The following KLHL3 variants were observed in gnomAD, a reference collection of about 807,000 sequenced individuals.
KLHL3 encodes the protein kelch-like protein 3.
A neutral mutation model predicts 70.5 loss-of-function variants in KLHL3; 19 were observed. The observed-to-expected ratio is 0.27, with a 90% CI of 0.19 to 0.40. KLHL3 has a LOEUF of 0.40. Among genes scored for constraint, KLHL3 ranks in the 10% least tolerant of loss-of-function variants. The pLI is 1.00. For synonymous variants in KLHL3, 258 were observed against 290.3 expected, an observed-to-expected ratio of 0.89 and a Z score of 1.13; for missense variants, 512 against 771.1, an observed-to-expected ratio of 0.66 and a Z score of 3.98.
In KLHL3 at chr5:137,720,584, A is replaced by G. The variant is rs756902174; in HGVS notation, c.15T>C (p.Ser5=). The G allele has an allele frequency of 6.2e-7, 1 of 1,614,034 alleles. No homozygotes were observed. The highest frequency in any genetic ancestry group is 1.7e-5 in the Admixed American group (1 of 60,028). MEGE[S]VKLSSQTLIQ... ...TCAGAGTCTGGGAGCTCAGCTTGACACTGTGAACAGGAAGGAAGAGGGAGG... is the reference window on the plus strand; with the variant it reads ...TCAGAGTCTGGGAGCTCAGCTTGACGCTGTGAACAGGAAGGAAGAGGGAGG... Residue 5 remains serine, a splice_region_variant and synonymous_variant, in exon 2 of 15, where the codon AGT becomes AGC. Transcript: ENST00000309755.
At chr5:137,645,641 C>T (rs955678393) in intron 8 of KLHL3, among the ~76,000 whole-genome samples, 10 of 151,612 alleles carry the variant, frequency 6.6e-5, no homozygotes, top group African/African-American at 9.7e-5. Flanking sequence ...AAAACATTGA[C>T]GAAAGAAATT....
chr5:137,645,678 T>C (rs528213629), intron 8 of KLHL3, among the ~76,000 whole-genome samples: 2 of 152,204 alleles, frequency 1.3e-5, no homozygotes, highest in South Asian at 4.1e-4. Flanking sequence ...AATGGAAAGA[T>C]ATTCCATGAT....
chr5:137,731,731 A>T (rs1278919613), intron 1 of KLHL3, among the ~76,000 whole-genome samples: 1 of 152,158 alleles, frequency 6.6e-6, no homozygotes, highest in African/African-American at 2.4e-5. Flanking sequence ...GAAGAAAATA[A>T]TCACAATTTT....
intron 6 of KLHL3, among the ~76,000 whole-genome samples, chr5:137,674,516 G>A (rs1224490472): frequency 6.6e-6 from 1 of 152,122 alleles, no homozygotes; most frequent in East Asian, 1.9e-4. Flanking sequence ...TCTATTTTAA[G>A]GCGTATGTGT....
At chr5:137,728,686 T>C (rs1753123336) in intron 1 of KLHL3, among the ~76,000 whole-genome samples, 1 of 152,090 alleles carries the variant, frequency 6.6e-6, no homozygotes, top group African/African-American at 2.4e-5. Context: ...CTAAAAAACA[T>C]GCTAGAAAGG....
At chr5:137,712,921 GA>G (rs967317769) in intron 2 of KLHL3, among the ~76,000 whole-genome samples, 20 of 151,362 alleles carry the variant, frequency 1.3e-4, no homozygotes, top group Middle Eastern at 3.2e-3. Context: ...TTCATATTTT[GA>G]AAAAAAATTT....
At chr5:137,625,512 A>T (rs1455869833) in intron 14 of KLHL3, among the ~76,000 whole-genome samples, 1 of 152,234 alleles carries the variant, frequency 6.6e-6, no homozygotes, top group Non-Finnish European at 1.5e-5. Context: ...TTCTGAGGCT[A>T]TCTTCAGGTT....
intron 4 of KLHL3, among the ~76,000 whole-genome samples, chr5:137,693,674 C>A (rs530689408): frequency 6.6e-6 from 1 of 152,064 alleles, no homozygotes; most frequent in Non-Finnish European, 1.5e-5. Context: ...TCTTGGGGAC[C>A]CTGGCATCCA....
In KLHL3 at chr5:137,652,055, A is replaced by G. The variant is rs757234150; in HGVS notation, c.903+6076T>C. On this transcript the variant is annotated intron_variant, in intron 8 of 14. Transcript: ENST00000309755. ...CACCATATTAAGAACAACAACAAAA[A>G]AAAACTTCTCAAAATGGATCCATAG... Among the ~76,000 whole-genome samples the G allele has an allele frequency of 1.2e-4, 19 of 152,184 alleles. 1 individual carries two copies. Among genetic ancestry groups the G allele is most frequent in the Non-Finnish European group, 2.1e-4 (14 of 68,034 alleles).
chr5:137,668,352 A>C (rs1396670904), intron 6 of KLHL3, among the ~76,000 whole-genome samples: 2 of 152,182 alleles, frequency 1.3e-5, no homozygotes, highest in Non-Finnish European at 2.9e-5. Context: ...CGGACGTTGC[A>C]GTGAGCCGAG....
At chr5:137,623,146 G>C (rs1263569163) in intron 14 of KLHL3, among the ~76,000 whole-genome samples, 1 of 152,214 alleles carries the variant, frequency 6.6e-6, no homozygotes, top group East Asian at 1.9e-4. Context: ...CTTTCTACTT[G>C]AGACAAATAC....
At chr5:137,668,666 G>A (rs552308885) in intron 6 of KLHL3, among the ~76,000 whole-genome samples, 1 of 152,266 alleles carries the variant, frequency 6.6e-6, no homozygotes, top group South Asian at 2.1e-4. Context: ...AGCTTAACAA[G>A]ACTTGTGTTA....
chr5:137,654,616 G>A (rs1314463215), intron 8 of KLHL3, among the ~76,000 whole-genome samples: 2 of 152,204 alleles, frequency 1.3e-5, no homozygotes, highest in Non-Finnish European at 2.9e-5. Flanking sequence ...TATAGTTTAA[G>A]AAGCACGTTA....
intron 6 of KLHL3, among the ~76,000 whole-genome samples, chr5:137,669,452 C>T (rs1751695893): frequency 6.7e-6 from 1 of 149,824 alleles, no homozygotes; most frequent in Non-Finnish European, 1.5e-5. Context: ...AGCACACTGC[C>T]AGATATCTGA....
rs1561586304 is a variant in KLHL3, at chr5:137,639,076, C to T, written c.1096G>A (p.Val366Met). The change falls in exon 10 of 15, where the codon GTG becomes ATG. Residue 366 changes from valine (V) to methionine (M), a missense_variant. Physicochemically the swap from Val to Met is conservative, Grantham distance 21 (BLOSUM62 1). Transcript: ENST00000309755. This position sits in a 1 kb window ranked among gnomAD's most constrained non-coding sequence, Gnocchi z 5.0. ...CACTGGTCCTTCACGCCGTCATACA[C>T]ATCCACTGTCCGCACCCGCAGTGAG... is the stretch of plus-strand genomic sequence containing the variant. ...NGSLRVRTVD[V>M]YDGVKDQWTS... 2.5e-6 allele frequency: 4 copies of T among 1,614,162 alleles called. No homozygotes were observed. The Admixed American group carries it at 5.0e-5, about 20-fold the overall frequency.
At chr5:137,647,696 C>T (rs1475678964) in intron 8 of KLHL3, 1 of 424,144 alleles carries the variant, frequency 2.4e-6, no homozygotes, top group African/African-American at 2.0e-5. Flanking sequence ...AGCCAGAAGA[C>T]TTGTCCAAGC....
chr5:137,676,531 C>T (rs550146000), intron 6 of KLHL3, among the ~76,000 whole-genome samples: 2 of 152,094 alleles, frequency 1.3e-5, no homozygotes, highest in Non-Finnish European at 2.9e-5. Context: ...TGAGTGTTAT[C>T]CTGAAACACA....
At chr5:137,648,486 C>T (rs1751111315) in intron 8 of KLHL3, among the ~76,000 whole-genome samples, 2 of 152,222 alleles carry the variant, frequency 1.3e-5, no homozygotes, top group South Asian at 4.1e-4. Context: ...AACCTCATTT[C>T]CTTGCTGCCA....
intron 5 of KLHL3, among the ~76,000 whole-genome samples, chr5:137,686,849 T>G (rs1008722736): frequency 6.6e-6 from 1 of 152,260 alleles, no homozygotes; most frequent in African/African-American, 2.4e-5. Context: ...CATCATGGCC[T>G]TATCTTCTGC....
Sources: gnomAD v4.1 joint callset for allele counts (sites outside exome capture counted in the v4.1 genomes callset) on GRCh38, gnomAD v4.1.1 for gene constraint, Gnocchi (gnomAD v3.1) non-coding constraint, MANE v1.5 for transcripts, NCBI Gene and HGNC (gene_info 2026-07-23, HGNC 2026-07-21) for gene names.